RTN4R: variants seen among roughly 807,000 people sequenced by gnomAD.
RTN4R encodes the protein reticulon 4 receptor.
RTN4R carries 4 observed loss-of-function variants against 27.7 expected under a neutral mutation model. That is an observed-to-expected ratio of 0.14 (90% confidence interval 0.07 to 0.33). The LOEUF (loss-of-function observed/expected upper bound fraction) is 0.33. Ranked by LOEUF, RTN4R falls within the 10% of genes least tolerant of loss-of-function variation. RTN4R has a pLI of 1.00. For synonymous variants in RTN4R, 290 were observed against 305.6 expected, an observed-to-expected ratio of 0.95 and a Z score of 0.53; for missense variants, 554 against 671.5, an observed-to-expected ratio of 0.83 and a Z score of 1.93.
In RTN4R at chr22:20,243,310, A is replaced by G. The variant is rs921685995; in HGVS notation, c.23-200T>C. On this transcript the variant is annotated intron_variant, in intron 1 of 1. Transcript: ENST00000043402. ...CTCATGGACGATGCTGGGCTAGAAC[A>G]TGCCTTGGAGCCATGCACTCCACCC... 12 of 691,984 alleles carry G rather than the reference A, an allele frequency of 1.7e-5. No homozygotes were observed. The African/African-American group carries it at 2.1e-4, about 12-fold the overall frequency. The allele number at this position is 691,984 out of a possible 1,614,324, so 42.9% of individuals were successfully genotyped here. A position where few individuals can be genotyped will look rare whatever the true frequency, so the allele number is the denominator to read the frequency against.
rs968477094 is a variant in RTN4R at position 20,243,261 on chromosome 22, T to C, written c.23-151A>G. 1.6e-5 allele frequency: 12 copies of C among 732,748 alleles called. No individual in the cohort carries two copies. The African/African-American group carries it at 2.1e-4, about 13-fold the overall frequency. 45.4% of individuals were successfully genotyped at this position (732,748 alleles called of 1,614,324 possible). A position where few individuals can be genotyped will look rare whatever the true frequency, so the allele number is the denominator to read the frequency against. The stretch of plus-strand genomic sequence containing the variant: ...TGGCCACCACCCCCGGGAATCGCAG[T>C]GTTGGGATCCCTGCTTCACAGGCCT... On this transcript the variant is annotated intron_variant, in intron 1 of 1. Transcript: ENST00000043402.
At chr22:20,257,662 T>C (rs548528353) in intron 1 of RTN4R, among the ~76,000 whole-genome samples, 1 of 152,384 alleles carries the variant, frequency 6.6e-6, no homozygotes, top group African/African-American at 2.4e-5. Flanking sequence ...GGCAGCTTGA[T>C]CAGACTAATA....
intron 1 of RTN4R, among the ~76,000 whole-genome samples, chr22:20,244,152 A>C (rs1415864072): frequency 6.6e-6 from 1 of 152,234 alleles, no homozygotes; most frequent in African/African-American, 2.4e-5. Context: ...CTAACACTTG[A>C]GTTATCAGCT....
chr22:20,249,085 C>G, intron 1 of RTN4R: 1 of 531,680 alleles, frequency 1.9e-6, no homozygotes, highest in Non-Finnish European at 3.9e-6. Flanking sequence ...CTCCTCCATG[C>G]TCCACCAGGA....
Position 20,242,327 on chromosome 22 carries a change from C to A in RTN4R, c.806G>T (p.Arg269Leu). 6.2e-7 allele frequency: 1 copy of A among 1,610,254 alleles called. No homozygotes were observed. The change falls in exon 2 of 2, where the codon CGC (arginine) becomes CTC (leucine). Residue 269 changes from arginine to leucine, a missense_variant. Arg to Leu is a moderately radical substitution (Grantham distance 102). Transcript: ENST00000043402. ...DNPWVCDCRA[R>L]PLWAWLQKFR... is the part of the protein sequence containing the mutation. ...CTTCTGCAGCCAGGCCCAGAGTGGGCGTGCCCGGCAGTCACACACCCAGGG... is the reference window on the plus strand; with the variant it reads ...CTTCTGCAGCCAGGCCCAGAGTGGGAGTGCCCGGCAGTCACACACCCAGGG...
chr22:20,242,495 C>T lies in RTN4R; in HGVS notation c.638G>A (p.Arg213His), dbSNP rs369100810. Reference protein sequence around the residue: ...SLDRLLLHQNRVAHVHPHAFR... With the variant: ...SLDRLLLHQNHVAHVHPHAFR... ...GGCATGCGGGTGCACATGGGCCACG[C>T]GGTTCTGGTGCAGTAGGAGACGGTC... Residue 213 changes from arginine to histidine, a missense_variant, in exon 2 of 2, where the codon CGC (arginine) becomes CAC (histidine). This residue lies in a region of RTN4R where 413 missense variants were observed against 542.3 expected (regional missense o/e 0.76). Transcript: ENST00000043402. The T allele has an allele frequency of 2.1e-5, 34 of 1,613,708 alleles. No individual in the cohort carries two copies. In the Middle Eastern group the frequency reaches 5.0e-4, roughly 24 times the overall value.
rs73879304 is a variant in RTN4R, at chr22:20,253,292, T to C, written c.23-10182A>G. Among the ~76,000 whole-genome samples the C allele has an allele frequency of 8.7e-3, 1,319 of 152,314 alleles. 15 individuals are homozygous for C. Among genetic ancestry groups the C allele is most frequent in the African/African-American group, 0.03 (1,264 of 41,568 alleles). ...GCCTGGTGCAGCCTGACTCATCTCATGAGAGACCCGGCCTGTGCTCAGAGT... is the reference window on the plus strand; with the variant it reads ...GCCTGGTGCAGCCTGACTCATCTCACGAGAGACCCGGCCTGTGCTCAGAGT... On this transcript the variant is annotated intron_variant, in intron 1 of 1. Coordinates refer to ENST00000043402, the MANE Select transcript of RTN4R (RefSeq NM_023004.6).
At chr22:20,262,294 A>G (rs1602651667) in intron 1 of RTN4R, among the ~76,000 whole-genome samples, 1 of 151,972 alleles carries the variant, frequency 6.6e-6, no homozygotes, top group East Asian at 1.9e-4. Context: ...GCAGGGCACT[A>G]GGGAGCCTGA....
intron 1 of RTN4R, among the ~76,000 whole-genome samples, chr22:20,267,185 T>G (rs1399551267): frequency 6.6e-6 from 1 of 151,968 alleles, no homozygotes; most frequent in African/African-American, 2.4e-5. Flanking sequence ...TGGGGCGGCG[T>G]TGGCTTGCAT....
chr22:20,243,250 G>A (rs942911785), intron 1 of RTN4R, 140 bp from the exon 2 acceptor site: 3 of 769,788 alleles, frequency 3.9e-6, no homozygotes, highest in Middle Eastern at 3.4e-4. Flanking sequence ...CACCACCCCC[G>A]GGAATCGCAG....
intron 1 of RTN4R, among the ~76,000 whole-genome samples, chr22:20,251,963 C>CCA: frequency 1.4e-4 from 1 of 7,344 alleles, no homozygotes; most frequent in African/African-American, 5.2e-4. Context: ...CATCCTTATC[C>CCA]TCATCACTAT....
At position 20,242,951 on chromosome 22, in the gene RTN4R, C is replaced by T. The variant is rs764553032; in HGVS notation, c.182G>A (p.Arg61His). 1 of 1,611,698 alleles carries T rather than the reference C, an allele frequency of 6.2e-7. No individual in the cohort carries two copies. The highest frequency in any genetic ancestry group is 8.5e-7 in the Non-Finnish European group (1 of 1,179,338). The change falls in exon 2 of 2, where the codon CGC becomes CAC. Residue 61 changes from arginine (R) to histidine (H), a missense_variant. Arg to His is a conservative substitution (Grantham distance 29). This residue lies in a region of RTN4R where 413 missense variants were observed against 542.3 expected (regional missense o/e 0.76). Transcript: ENST00000043402. ...GATGCGGTTGCCGTGCAGGAAGATGCGCTGGCTGGCAGCAGGGATGCCCAC... is the reference window on the plus strand; with the variant it reads ...GATGCGGTTGCCGTGCAGGAAGATGTGCTGGCTGGCAGCAGGGATGCCCAC... ...VPVGIPAASQ[R>H]IFLHGNRISH...
chr22:20,242,881 G>A lies in RTN4R; in HGVS notation c.252C>T (p.Thr84=). The A allele has an allele frequency of 1.9e-6, 3 of 1,613,104 alleles. No individual in the cohort carries two copies. The highest frequency in any genetic ancestry group is 1.7e-5 in the Admixed American group (1 of 60,004). Residue 84 remains threonine (T), a synonymous_variant, in exon 2 of 2, where the codon ACC becomes ACT. Coordinates refer to ENST00000043402, the MANE Select transcript of RTN4R (RefSeq NM_023004.6). ...AASFRACRNL[T]ILWLHSNVLA... ...GCACATTCGAGTGCAGCCACAGGAT[G>A]GTGAGGTTGCGGCAGGCACGGAAGC...
At chr22:20,243,140 G>A in intron 1 of RTN4R, 30 bp from the exon 2 acceptor site, 4 of 1,593,726 alleles carry the variant, frequency 2.5e-6, no homozygotes, top group Non-Finnish European at 3.4e-6. Context: ...TGGTTAGCAG[G>A]AAGGGCAGGG....
intron 1 of RTN4R, chr22:20,243,613 G>A (rs1417299404): frequency 2.3e-6 from 1 of 434,678 alleles, no homozygotes; most frequent in South Asian, 1.7e-5. Flanking sequence ...GGGGGTGGAG[G>A]GCAAGTGTGT....
chr22:20,251,883 C>T (rs1272830427), intron 1 of RTN4R, among the ~76,000 whole-genome samples: 3 of 62,430 alleles, frequency 4.8e-5, no homozygotes, highest in Non-Finnish European at 6.7e-5. Flanking sequence ...TCATCACTAT[C>T]ACTATCACCA....
chr22:20,252,060 C>A (rs796629547), intron 1 of RTN4R, among the ~76,000 whole-genome samples: 3 of 59,256 alleles, frequency 5.1e-5, no homozygotes, highest in Admixed American at 1.7e-4. Flanking sequence ...CAATCACTAT[C>A]ATCACCATCA....
At position 20,247,873 on chromosome 22, in the gene RTN4R, C is replaced by T. The variant is rs887421639; in HGVS notation, c.23-4763G>A. ...TACATGCTGTGGGGGAAACTGAGGC[C>T]CAGTGTGGGCAGAGCCTTCAGGACT... On this transcript the variant is annotated intron_variant, in intron 1 of 1. Transcript: ENST00000043402. 2.0e-5 allele frequency among the ~76,000 whole-genome samples: 3 copies of T among 152,212 alleles called. No homozygotes were observed. In the East Asian group the frequency reaches 5.8e-4, roughly 29 times the overall value.
chr22:20,242,123 T>C lies in RTN4R; in HGVS notation c.1010A>G (p.Gln337Arg). The C allele has an allele frequency of 6.2e-7, 1 of 1,612,252 alleles. No individual in the cohort carries two copies. The highest frequency in any genetic ancestry group is 8.5e-7 in the Non-Finnish European group (1 of 1,179,514). Residue 337 changes from glutamine to arginine, a missense_variant, in exon 2 of 2, where the codon CAG becomes CGG. By Grantham distance (43) the Gln-to-Arg change is conservative. This residue lies in a region of RTN4R where 413 missense variants were observed against 542.3 expected (regional missense o/e 0.76). Coordinates refer to ENST00000043402, the MANE Select transcript of RTN4R (RefSeq NM_023004.6). ...TGAGGCCTTGTCAGCGGCATCTGGC[T>C]GGCAGCACTTGGGAAGCCCCAGCGG... Reference protein sequence around the residue: ...EEPLGLPKCCQPDAADKASVL... With the variant: ...EEPLGLPKCCRPDAADKASVL...
Sources: gnomAD v4.1 joint callset for allele counts (sites outside exome capture counted in the v4.1 genomes callset) on GRCh38, gnomAD v4.1.1 for gene constraint, gnomAD v4.1.1 regional missense constraint, MANE v1.5 for transcripts, NCBI Gene and HGNC (gene_info 2026-07-23, HGNC 2026-07-21) for gene names.